LRCH2: variants seen among roughly 807,000 people sequenced by gnomAD.
LRCH2 encodes the protein leucine rich repeats and calponin homology domain containing 2, also known as leucine-rich repeat and calponin homology domain-containing protein 2.
LRCH2 carries 38 observed loss-of-function variants against 68.9 expected under a neutral mutation model. The observed-to-expected ratio is 0.55, with a 90% CI of 0.43 to 0.72. The LOEUF is 0.72. LRCH2 is among the 30% of genes least tolerant of loss of function. The pLI, the probability that LRCH2 is intolerant of heterozygous loss-of-function variation, is 0.00. For missense variants in LRCH2, 528 were observed against 572.9 expected (o/e 0.92, Z 0.80); for synonymous variants, 191 against 208.1 (o/e 0.92, Z 0.71).
At chrX:115,181,604 T>C (rs888809054) in intron 3 of LRCH2, among the ~76,000 whole-genome samples, 2 of 112,071 alleles carry the variant, frequency 1.8e-5, no homozygotes, top group Non-Finnish European at 3.8e-5. Flanking sequence ...CAGAATTTCA[T>C]TGCAGTTGAT....
chrX:115,210,854 T>C (rs948381175), intron 1 of LRCH2, among the ~76,000 whole-genome samples: 6 of 111,819 alleles, frequency 5.4e-5, no homozygotes, highest in Admixed American at 9.5e-5. Flanking sequence ...AGGAGATCAT[T>C]CTGGAGCTTT....
chrX:115,119,101 A>G (rs1235741405), intron 20 of LRCH2, among the ~76,000 whole-genome samples: 1 of 110,933 alleles, frequency 9.0e-6, no homozygotes, highest in Non-Finnish European at 1.9e-5. Context: ...CCCTTTGAAA[A>G]CTGGCACAAG....
intron 10 of LRCH2, among the ~76,000 whole-genome samples, chrX:115,164,931 A>G (rs2072546252): frequency 1.8e-5 from 2 of 111,200 alleles, no homozygotes; most frequent in Admixed American, 1.9e-4. Flanking sequence ...GATCCAAAGC[A>G]CAATTATTTT....
chrX:115,155,071 GAGAGAGAAAGAGAA>G (rs2072464685), intron 12 of LRCH2, among the ~76,000 whole-genome samples: 1 of 103,127 alleles, frequency 9.7e-6, no homozygotes, highest in African/African-American at 3.5e-5. Flanking sequence ...AAGAGAGAGA[GAGAGAGAAAGAGAA>G]AGAGAGGAAG....
At chrX:115,189,292 G>A in intron 1 of LRCH2, 1 of 555,265 alleles carries the variant, frequency 1.8e-6, no homozygotes. Context: ...GTGTTCCCAA[G>A]AACTATGACG....
At chrX:115,191,610 C>A in intron 1 of LRCH2, 1 of 1,088,159 alleles carries the variant, frequency 9.2e-7, no homozygotes. Flanking sequence ...GCGGAGGCCG[C>A]TCGCCTGACA....
At chrX:115,157,951 A>G (rs1162575065) in intron 11 of LRCH2, among the ~76,000 whole-genome samples, 1 of 110,851 alleles carries the variant, frequency 9.0e-6, no homozygotes, top group African/African-American at 3.3e-5. Context: ...AGATCCACTT[A>G]CCTATACAAT....
intron 1 of LRCH2, among the ~76,000 whole-genome samples, chrX:115,221,799 A>G (rs1351049801): frequency 9.0e-6 from 1 of 111,111 alleles, no homozygotes; most frequent in Non-Finnish European, 1.9e-5. Flanking sequence ...ATACAAAATC[A>G]CAGCGGCTAT....
chrX:115,189,231 ACTT>A (rs781922697), intron 1 of LRCH2, among the ~76,000 whole-genome samples: 1 of 112,060 alleles, frequency 8.9e-6, no homozygotes, highest in African/African-American at 3.2e-5. Flanking sequence ...CTCTCTGGCT[ACTT>A]CTTATTTTCT....
chrX:115,165,600 T>A lies in LRCH2; in HGVS notation c.1254A>T (p.Glu418Asp), dbSNP rs781885610. 1 of 1,170,840 alleles carries A rather than the reference T, an allele frequency of 8.5e-7. No individual in the cohort carries two copies. The highest frequency in any genetic ancestry group is 3.2e-5 in the East Asian group (1 of 31,664). The change falls in exon 9 of 21, where the codon GAA becomes GAT. Residue 418 changes from glutamate (E) to aspartate (D), a missense_variant. Glu to Asp is a conservative substitution (Grantham distance 45). Coordinates refer to ENST00000317135, the MANE Select transcript of LRCH2 (RefSeq NM_020871.4). ...DPNTEDVAVP[E>D]QGNAHIGSFV... The stretch of plus-strand genomic sequence containing the variant: ...ATGATCCAATATGTGCATTTCCCTG[T>A]TCAGGAACTGCTACATCTTCTGTGT...
chrX:115,152,718 A>T (rs193037975), intron 12 of LRCH2, among the ~76,000 whole-genome samples: 83 of 110,910 alleles, frequency 7.5e-4, no homozygotes, highest in African/African-American at 2.5e-3. Context: ...GGGCCCCAAA[A>T]TTTCAAATTT....
chrX:115,207,122 C>A lies in LRCH2; in HGVS notation c.350-18752G>T, dbSNP rs1169228461. On this transcript the variant is annotated intron_variant, in intron 1 of 20. Coordinates refer to ENST00000317135, the MANE Select transcript of LRCH2 (RefSeq NM_020871.4). ...TCAATTAACATGTATACTAGGGCAACTAGAAAAATAAAATATGACTAATAA... is the reference window on the plus strand; with the variant it reads ...TCAATTAACATGTATACTAGGGCAAATAGAAAAATAAAATATGACTAATAA... Among the ~76,000 whole-genome samples the A allele has an allele frequency of 5.0e-4, 55 of 110,879 alleles. No homozygotes were observed. In the Admixed American group the frequency reaches 5.2e-3, roughly 10 times the overall value.
rs782336554 is a variant in LRCH2 at position 115,190,944 on chromosome X, C to T, written c.350-2574G>A. 1.0e-4 allele frequency: 120 copies of T among 1,158,011 alleles called. No individual in the cohort carries two copies. In the Admixed American group the frequency reaches 1.1e-3, roughly 11 times the overall value. ...GGGGCCACGACAATTCCAGCTGGAG[C>T]GACCGCTACGGAGTAGGAGGCCACT... On this transcript the variant is annotated intron_variant, in intron 1 of 20. Coordinates refer to ENST00000317135, the MANE Select transcript of LRCH2 (RefSeq NM_020871.4).
At chrX:115,131,928 G>A (rs2072248920) in intron 14 of LRCH2, among the ~76,000 whole-genome samples, 1 of 111,668 alleles carries the variant, frequency 9.0e-6, no homozygotes, top group African/African-American at 3.3e-5. Context: ...CTATTTGATG[G>A]GGTTGTTTGA....
At position 115,179,523 on chromosome X, in the gene LRCH2, A is replaced by G. The variant is rs1164022911; in HGVS notation, c.768T>C (p.Cys256=). Residue 256 remains cysteine, a synonymous_variant, in exon 5 of 21, where the codon TGT becomes TGC. Coordinates refer to ENST00000317135, the MANE Select transcript of LRCH2 (RefSeq NM_020871.4). ...DLPLVKLDFS[C]NKVTEIPVCY... ...AAACTGGAATTTCGGTCACTTTATT[A>G]CAAGAGAAATCCAGCTTGACTAAGG... 8.7e-7 allele frequency: 1 copy of G among 1,144,367 alleles called. No individual in the cohort carries two copies. The highest frequency in any genetic ancestry group is 2.9e-5 in the Admixed American group (1 of 34,939). The allele number at this position is 1,144,367 out of a possible 1,213,427, so 94.3% of individuals were successfully genotyped here.
At chrX:115,176,809 C>T (rs1489915389) in intron 5 of LRCH2, among the ~76,000 whole-genome samples, 3 of 104,883 alleles carry the variant, frequency 2.9e-5, no homozygotes, top group Admixed American at 1.0e-4. Flanking sequence ...TGCAGTGGCA[C>T]GATCTTGGCT....
chrX:115,122,758 A>G lies in LRCH2; in HGVS notation c.2100+2T>C. The G allele has an allele frequency of 8.3e-7, 1 of 1,208,719 alleles. No homozygotes were observed. The highest frequency in any genetic ancestry group is 1.1e-6 in the Non-Finnish European group (1 of 894,425). ...AACTAACAAATTGTAAACAAAACTT[A>G]CCACTGCTGGTGATGGTACATGAAT... On this transcript the variant is annotated splice_donor_variant, in intron 19 of 20. Transcript: ENST00000317135. LOFTEE classifies it high-confidence loss of function.
At chrX:115,229,089 G>C (rs1323925396) in intron 1 of LRCH2, among the ~76,000 whole-genome samples, 2 of 111,374 alleles carry the variant, frequency 1.8e-5, no homozygotes, top group Non-Finnish European at 3.8e-5. Context: ...AACCATAAGA[G>C]AGGCATGATA....
At chrX:115,188,046 G>A (rs949019910) in intron 2 of LRCH2, among the ~76,000 whole-genome samples, 180 bp downstream of exon 2, 2 of 112,186 alleles carry the variant, frequency 1.8e-5, no homozygotes, top group Non-Finnish European at 3.8e-5. Context: ...AGTTTGCTAA[G>A]CTCTGCTCTC....
Sources: allele counts gnomAD v4.1 joint callset (sites outside exome capture counted in the v4.1 genomes callset), GRCh38; gene constraint gnomAD v4.1.1; transcripts MANE v1.5; gene names NCBI Gene and HGNC (gene_info 2026-07-23, HGNC 2026-07-21).